Variants in KCNE1 observed in about 807,000 individuals in gnomAD.
The protein encoded by KCNE1 is potassium voltage-gated channel subfamily E regulatory subunit 1, also known as potassium voltage-gated channel subfamily E member 1.
A neutral mutation model predicts 2.9 loss-of-function variants in KCNE1; 1 was observed. That is an observed-to-expected ratio of 0.34 (90% CI 0.12 to 1.62). KCNE1 has a LOEUF of 1.62. KCNE1 is among the 40% of genes most tolerant of loss of function. The pLI, the probability that KCNE1 is intolerant of heterozygous loss-of-function variation, is 0.36. For synonymous variants in KCNE1, 23 were observed against 65.4 expected, an observed-to-expected ratio of 0.35 and a Z score of 3.13; for missense variants, 45 against 150.5, an observed-to-expected ratio of 0.30 and a Z score of 3.67.
At chr21:34,506,797 G>A (rs967992094) in intron 2 of KCNE1, among the ~76,000 whole-genome samples, 2 of 152,242 alleles carry the variant, frequency 1.3e-5, no homozygotes, top group Non-Finnish European at 2.9e-5. Context: ...GCTGGGGAAT[G>A]CAGTGGCTTT....
intron 2 of KCNE1, among the ~76,000 whole-genome samples, chr21:34,508,520 T>A (rs1451203934): frequency 6.6e-6 from 1 of 152,074 alleles, no homozygotes; most frequent in Non-Finnish European, 1.5e-5. Context: ...TTTTTGTATT[T>A]TTAGTACAGA....
chr21:34,497,630 G>C (rs1982894510), intron 2 of KCNE1, among the ~76,000 whole-genome samples: 1 of 152,058 alleles, frequency 6.6e-6, no homozygotes. Flanking sequence ...CCTTCATCTT[G>C]ACTTTAGATA....
chr21:34,503,998 C>T (rs903274604), intron 2 of KCNE1, among the ~76,000 whole-genome samples: 5 of 152,316 alleles, frequency 3.3e-5, no homozygotes, highest in East Asian at 1.9e-4. Context: ...AGCACCATCC[C>T]CCATGTCCGG....
intron 2 of KCNE1, among the ~76,000 whole-genome samples, chr21:34,499,520 C>A (rs1250489274): frequency 2.0e-5 from 3 of 152,224 alleles, no homozygotes; most frequent in African/African-American, 7.2e-5. Flanking sequence ...CTACTGGCTG[C>A]CTCTCTCAAG....
intron 2 of KCNE1, among the ~76,000 whole-genome samples, chr21:34,504,186 C>T (rs977436623): frequency 6.6e-6 from 1 of 151,570 alleles, no homozygotes; most frequent in Non-Finnish European, 1.5e-5. Flanking sequence ...ACACTTTGGA[C>T]TCGGGTGTGT....
chr21:34,497,270 T>C (rs1160110622), intron 2 of KCNE1, among the ~76,000 whole-genome samples: 1 of 152,206 alleles, frequency 6.6e-6, no homozygotes, highest in Non-Finnish European at 1.5e-5. Context: ...TATTGTTTTA[T>C]AGGCCCTGTG....
intron 2 of KCNE1, among the ~76,000 whole-genome samples, chr21:34,501,914 A>T (rs1983191875): frequency 6.6e-6 from 1 of 152,198 alleles, no homozygotes; most frequent in African/African-American, 2.4e-5. Context: ...AACAATGTGC[A>T]CCATTGTCTG....
At chr21:34,504,091 G>T (rs888507116) in intron 2 of KCNE1, among the ~76,000 whole-genome samples, 38 of 152,312 alleles carry the variant, frequency 2.5e-4, no homozygotes, top group African/African-American at 8.9e-4. Flanking sequence ...GAGCTCACAT[G>T]GGAAAGATCC....
intron 2 of KCNE1, 57 bp downstream of exon 2, chr21:34,511,044 G>A (rs1466177499): frequency 3.2e-6 from 2 of 623,220 alleles, no homozygotes. Flanking sequence ...TGGGCATGAG[G>A]GTGGGAGCAG....
chr21:34,510,454 G>T (rs559519443), intron 2 of KCNE1: 1 of 152,576 alleles, frequency 6.6e-6, no homozygotes, highest in African/African-American at 2.4e-5. Context: ...CCCAGACATG[G>T]TGGGTGCACA....
intron 2 of KCNE1, among the ~76,000 whole-genome samples, chr21:34,505,588 G>A (rs1038079158): frequency 1.8e-4 from 28 of 152,168 alleles, no homozygotes; most frequent in African/African-American, 6.3e-4. Flanking sequence ...CCAAAGCTGT[G>A]GGATTGGGGC....
chr21:34,496,955 G>A (rs1982848477), intron 2 of KCNE1, among the ~76,000 whole-genome samples: 1 of 152,134 alleles, frequency 6.6e-6, no homozygotes, highest in South Asian at 2.1e-4. Flanking sequence ...GTTAAAGTCT[G>A]TTTTGTCTGA....
At chr21:34,499,932 C>T (rs1406181750) in intron 2 of KCNE1, among the ~76,000 whole-genome samples, 1 of 152,184 alleles carries the variant, frequency 6.6e-6, no homozygotes, top group African/African-American at 2.4e-5. Flanking sequence ...GGGAGCTGAA[C>T]AGTAGCCCTG....
At chr21:34,508,714 A>T (rs1390447136) in intron 2 of KCNE1, among the ~76,000 whole-genome samples, 2 of 152,256 alleles carry the variant, frequency 1.3e-5, no homozygotes, top group African/African-American at 4.8e-5. Context: ...GTCATTGGAC[A>T]GTATTACAAA....
chr21:34,503,709 T>A (rs917663152), intron 2 of KCNE1, among the ~76,000 whole-genome samples: 7 of 152,218 alleles, frequency 4.6e-5, no homozygotes, highest in African/African-American at 1.7e-4. Flanking sequence ...GAAGACCAAA[T>A]ATGTATTTCA....
chr21:34,507,973 A>C (rs1983601409), intron 2 of KCNE1, among the ~76,000 whole-genome samples: 1 of 151,696 alleles, frequency 6.6e-6, no homozygotes, highest in South Asian at 2.1e-4. Flanking sequence ...AAGAACATTT[A>C]TGAGGTGATT....
At chr21:34,498,519 G>A (rs1235144063) in intron 2 of KCNE1, among the ~76,000 whole-genome samples, 3 of 152,222 alleles carry the variant, frequency 2.0e-5, no homozygotes, top group African/African-American at 7.2e-5. Context: ...GGCTGGTGCT[G>A]CGGAATGTCT....
intron 2 of KCNE1, among the ~76,000 whole-genome samples, chr21:34,508,944 A>G (rs1184855247): frequency 6.6e-6 from 1 of 152,252 alleles, no homozygotes; most frequent in East Asian, 1.9e-4. Context: ...CAGTGTGATA[A>G]CAAACCACCT....
At position 34,449,442 on chromosome 21, in the gene KCNE1, A is replaced by G. The variant is rs1477782474; in HGVS notation, c.193T>C (p.Tyr65His). Reference protein sequence around the residue: ...GFFTLGIMLSYIRSKKLEHSN... With the variant: ...GFFTLGIMLSHIRSKKLEHSN... ...TGCTCCAGCTTCTTGGAGCGGATGT[A>G]GCTCAGCATGATGCCCAGGGTGAAG... Residue 65 changes from tyrosine to histidine, a missense_variant, in exon 4 of 4, where the codon TAC (tyrosine) becomes CAC (histidine). Transcript: ENST00000399286. 2 of 1,450,730 alleles carry G rather than the reference A, an allele frequency of 1.4e-6. No individual in the cohort carries two copies. Among genetic ancestry groups the G allele is most frequent in the East Asian group, 2.3e-5 (1 of 42,676 alleles). The allele number at this position is 1,450,730 out of a possible 1,614,324, so 89.9% of individuals were successfully genotyped here.
Sources: gnomAD v4.1 joint callset for allele counts (sites outside exome capture counted in the v4.1 genomes callset) on GRCh38, gnomAD v4.1.1 for gene constraint, MANE v1.5 for transcripts, NCBI Gene and HGNC (gene_info 2026-07-23, HGNC 2026-07-21) for gene names.